ANKRD33B: variants seen among roughly 807,000 people sequenced by gnomAD.
ANKRD33B encodes ankyrin repeat domain-containing protein 33B.
Under a neutral mutation model 21.5 loss-of-function variants are expected in ANKRD33B, and 6 were observed. The ratio of observed to expected loss-of-function variants is 0.28; its 90% CI spans 0.15 to 0.55. The LOEUF is 0.55. Ranked by LOEUF, ANKRD33B falls within the 20% of genes least tolerant of loss-of-function variation. ANKRD33B has a pLI of 0.94. For missense variants in ANKRD33B, 698 were observed against 747.2 expected (o/e 0.93, Z 0.77); for synonymous variants, 347 against 342.4 (o/e 1.01, Z -0.15).
chr5:10,580,167 CAT>C (rs1421547817), intron 1 of ANKRD33B, among the ~76,000 whole-genome samples: 3 of 152,218 alleles, frequency 2.0e-5, no homozygotes, highest in African/African-American at 2.4e-5. Flanking sequence ...ACATGCAAGA[CAT>C]ATGTGGGTTC....
intron 3 of ANKRD33B, among the ~76,000 whole-genome samples, chr5:10,639,046 C>T (rs1446385404): frequency 8.2e-5 from 6 of 73,352 alleles, no homozygotes; most frequent in Non-Finnish European, 1.5e-4. Context: ...TAGCGGGTGA[C>T]GCGGAGTTGC....
chr5:10,598,099 C>A (rs940475364), intron 1 of ANKRD33B, among the ~76,000 whole-genome samples: 1 of 152,130 alleles, frequency 6.6e-6, no homozygotes. Context: ...CAGCCTCCAT[C>A]TCTTCTAAGT....
intron 1 of ANKRD33B, among the ~76,000 whole-genome samples, chr5:10,587,537 C>A (rs990472859): frequency 8.9e-5 from 13 of 146,774 alleles, no homozygotes; most frequent in East Asian, 2.0e-4. Flanking sequence ...TTTTATTATT[C>A]TTCTGATACA....
rs1008558900 is a variant in ANKRD33B, at chr5:10,610,098, A to G, written c.367-8235A>G. 1.4e-4 allele frequency among the ~76,000 whole-genome samples: 21 copies of G among 152,220 alleles called. 1 individual carries two copies. The highest frequency in any genetic ancestry group is 2.6e-4 in the Admixed American group (4 of 15,288). On this transcript the variant is annotated intron_variant, in intron 1 of 3. Coordinates refer to ENST00000296657, the MANE Select transcript of ANKRD33B (RefSeq NM_001164440.2). ...AATGCGAAGTGAAAACACAATAACA[A>G]TGTTTAAGCATCCGATTGGTGAAAA...
chr5:10,652,021 G>T lies in ANKRD33B; in HGVS notation c.*1908G>T, dbSNP rs572744698. ...GGTCACCCTCGTGGCCAAGGAGTTG[G>T]GATTGGCCATGTCTTCTTCGAGGAG... On this transcript the variant is annotated 3_prime_UTR_variant, in exon 4 of 4. Transcript: ENST00000296657. This position sits in a 1 kb window ranked among gnomAD's most constrained non-coding sequence, Gnocchi z 4.1. The T allele has an allele frequency of 6.6e-6, 1 of 152,370 alleles. No homozygotes were observed. Among genetic ancestry groups the T allele is most frequent in the Non-Finnish European group, 1.5e-5 (1 of 68,054 alleles). The allele number at this position is 152,370 out of a possible 1,614,324, so 9.4% of individuals were successfully genotyped here. A position where few individuals can be genotyped will look rare whatever the true frequency, so the allele number is the denominator to read the frequency against.
intron 3 of ANKRD33B, among the ~76,000 whole-genome samples, chr5:10,646,336 T>C (rs1483683351): frequency 6.6e-6 from 1 of 152,234 alleles, no homozygotes; most frequent in East Asian, 1.9e-4. Flanking sequence ...TTGTATAAAA[T>C]GTTAATAATC....
intron 1 of ANKRD33B, among the ~76,000 whole-genome samples, chr5:10,578,544 A>AT (rs1735372784): frequency 6.6e-6 from 1 of 152,008 alleles, no homozygotes; most frequent in African/African-American, 2.4e-5. Flanking sequence ...TCTTGGGGGG[A>AT]TTTTGGGAGA....
intron 2 of ANKRD33B, chr5:10,624,582 A>G: frequency 2.7e-6 from 1 of 372,044 alleles, no homozygotes; most frequent in South Asian, 2.0e-5. Flanking sequence ...TTGGGACTGA[A>G]TTGTTGAGGT....
At position 10,650,229 on chromosome 5, in the gene ANKRD33B, C is replaced by CG. The variant is rs1737314755; in HGVS notation, c.*120dup. 2 of 1,116,098 alleles carry CG rather than the reference C, an allele frequency of 1.8e-6. No homozygotes were observed. Among genetic ancestry groups the CG allele is most frequent in the Admixed American group, 7.8e-5 (2 of 25,694 alleles). The allele number at this position is 1,116,098 out of a possible 1,614,324, so 69.1% of individuals were successfully genotyped here. ...CGCACCACTTCCGCTCCATGGACCA[C>CG]GGGGCTGCGCGCATTTCCAGGCTGT... is the stretch of plus-strand genomic sequence containing the variant. On this transcript the variant is annotated 3_prime_UTR_variant, in exon 4 of 4. Transcript: ENST00000296657.
chr5:10,651,192 C>T lies in ANKRD33B; in HGVS notation c.*1079C>T, dbSNP rs1353556090. 1 of 152,312 alleles carries T rather than the reference C, an allele frequency of 6.6e-6. No individual in the cohort carries two copies. Among genetic ancestry groups the T allele is most frequent in the Non-Finnish European group, 1.5e-5 (1 of 68,048 alleles). The allele number at this position is 152,312 out of a possible 1,614,324, so 9.4% of individuals were successfully genotyped here. A position where few individuals can be genotyped will look rare whatever the true frequency, so the allele number is the denominator to read the frequency against. On this transcript the variant is annotated 3_prime_UTR_variant, in exon 4 of 4. Coordinates refer to ENST00000296657, the MANE Select transcript of ANKRD33B (RefSeq NM_001164440.2). ...TCTCCTGGAGTAGACTGGGCAGCCCCCTCCTCCAGGCTCAGTTCCAAAGAG... is the reference window on the plus strand; with the variant it reads ...TCTCCTGGAGTAGACTGGGCAGCCCTCTCCTCCAGGCTCAGTTCCAAAGAG...
chr5:10,620,991 C>T (rs1325008834), intron 2 of ANKRD33B, among the ~76,000 whole-genome samples: 2 of 152,188 alleles, frequency 1.3e-5, no homozygotes, highest in African/African-American at 4.8e-5. Context: ...AAGAGCTTTC[C>T]TTTAGCCCCA....
chr5:10,649,119 C>T lies in ANKRD33B; in HGVS notation c.638-147C>T, dbSNP rs549653364. ...CCGGCGCTCAGATGAGCACAGGGTT[C>T]GCAGAGTGAACTAGGTGCAGTCTGT... On this transcript the variant is annotated intron_variant, in intron 3 of 3. Transcript: ENST00000296657. The T allele has an allele frequency of 7.1e-6, 10 of 1,400,072 alleles. No individual in the cohort carries two copies. The South Asian group carries it at 1.1e-4, about 15-fold the overall frequency. 86.7% of individuals were successfully genotyped at this position (1,400,072 alleles called of 1,614,324 possible).
chr5:10,649,186 G>A, intron 3 of ANKRD33B, 80 bp from the exon 4 acceptor site: 2 of 1,452,066 alleles, frequency 1.4e-6, no homozygotes, highest in Non-Finnish European at 1.8e-6. Flanking sequence ...GGGCAGTTTT[G>A]CCTTTGCCCC....
At chr5:10,565,505 C>T (rs933437929) in intron 1 of ANKRD33B, among the ~76,000 whole-genome samples, 5 of 152,260 alleles carry the variant, frequency 3.3e-5, no homozygotes, top group African/African-American at 4.8e-5. Context: ...CCGGGGCTCC[C>T]CAGAGTCAGG....
In ANKRD33B at chr5:10,619,644, C is replaced by T. The variant is rs1436585323; in HGVS notation, c.496+1182C>T. Among the ~76,000 whole-genome samples, 1 of 152,208 alleles carries T rather than the reference C, an allele frequency of 6.6e-6. No homozygotes were observed. Among genetic ancestry groups the T allele is most frequent in the Non-Finnish European group, 1.5e-5 (1 of 68,044 alleles). On this transcript the variant is annotated intron_variant, in intron 2 of 3. Coordinates refer to ENST00000296657, the MANE Select transcript of ANKRD33B (RefSeq NM_001164440.2). This position sits in a 1 kb window ranked among gnomAD's most constrained non-coding sequence, Gnocchi z 4.5. Reference sequence around the variant, plus strand: ...CAGGGGCTGTGCTAACATGTGTTCACCTCCTCAGGTTTCGAAGCGTGAGGC... The same window carrying T: ...CAGGGGCTGTGCTAACATGTGTTCATCTCCTCAGGTTTCGAAGCGTGAGGC...
At chr5:10,580,837 C>T (rs1735429701) in intron 1 of ANKRD33B, among the ~76,000 whole-genome samples, 1 of 152,172 alleles carries the variant, frequency 6.6e-6, no homozygotes, top group Non-Finnish European at 1.5e-5. Context: ...ATCCTTCCCT[C>T]TCTTCTGGTT....
intron 1 of ANKRD33B, among the ~76,000 whole-genome samples, chr5:10,566,635 T>C (rs914893161): frequency 5.9e-5 from 9 of 152,224 alleles, no homozygotes; most frequent in Non-Finnish European, 1.2e-4. Flanking sequence ...ACATAAATGT[T>C]TGAAAACAGC....
At chr5:10,637,462 A>ACACACACACACACGG (rs1491289427) in intron 2 of ANKRD33B, among the ~76,000 whole-genome samples, 1 of 114,578 alleles carries the variant, frequency 8.7e-6, no homozygotes, top group African/African-American at 3.2e-5. Flanking sequence ...ACACACACAC[A>ACACACACACACACGG]CGGCGGCGGG....
At chr5:10,631,927 G>A (rs998841771) in intron 2 of ANKRD33B, among the ~76,000 whole-genome samples, 2 of 152,214 alleles carry the variant, frequency 1.3e-5, no homozygotes, top group African/African-American at 4.8e-5. Flanking sequence ...ATTGCAGAAC[G>A]GCGGGGCAGC....
Sources: allele counts gnomAD v4.1 joint callset (sites outside exome capture counted in the v4.1 genomes callset), GRCh38; gene constraint gnomAD v4.1.1; non-coding constraint Gnocchi (gnomAD v3.1); transcripts MANE v1.5; gene names NCBI Gene and HGNC (gene_info 2026-07-23, HGNC 2026-07-21).